The following JAK2 variants were observed in gnomAD, a reference collection of about 807,000 sequenced individuals.
JAK2 encodes the protein tyrosine-protein kinase JAK2.
JAK2 carries 86 observed loss-of-function variants against 139.3 expected under a neutral mutation model. That is an observed-to-expected ratio of 0.62 (90% CI 0.52 to 0.74). The LOEUF is 0.74. Among genes scored for constraint, JAK2 ranks in the 30% least tolerant of loss-of-function variants. The pLI is 0.00. For missense variants in JAK2, 1,421 were observed against 1,360.3 expected (o/e 1.04, Z -0.70); for synonymous variants, 490 against 437.7 (o/e 1.12, Z -1.49).
chr9:4,994,894 ATGTC>A (rs2129760433), intron 2 of JAK2, among the ~76,000 whole-genome samples: 1 of 152,250 alleles, frequency 6.6e-6, no homozygotes, highest in African/African-American at 2.4e-5. Context: ...ACACATTTAA[ATGTC>A]TTAGAATTCA....
At chr9:4,999,395 C>T (rs1053888145) in intron 2 of JAK2, among the ~76,000 whole-genome samples, 1 of 152,082 alleles carries the variant, frequency 6.6e-6, no homozygotes, top group Non-Finnish European at 1.5e-5. Context: ...AATGTCTCTT[C>T]ATATAAAAAA....
At chr9:4,993,657 G>A (rs1820391762) in intron 2 of JAK2, among the ~76,000 whole-genome samples, 1 of 152,192 alleles carries the variant, frequency 6.6e-6, no homozygotes, top group African/African-American at 2.4e-5. Context: ...CTCACTGACA[G>A]TCTCCTTGAG....
chr9:5,050,404 G>A (rs969520832), intron 5 of JAK2, among the ~76,000 whole-genome samples: 1 of 152,080 alleles, frequency 6.6e-6, no homozygotes, highest in African/African-American at 2.4e-5. Context: ...CCAAGTAGCT[G>A]GGACTGCAGG....
At chr9:5,111,013 G>T in intron 22 of JAK2, 1 of 757,278 alleles carries the variant, frequency 1.3e-6, no homozygotes, top group East Asian at 3.3e-5. Flanking sequence ...CAACGGGAAG[G>T]GCCGGCCCGC....
chr9:5,037,144 A>G lies in JAK2; in HGVS notation c.350+7238A>G, dbSNP rs145481136. 6.5e-3 allele frequency among the ~76,000 whole-genome samples: 992 copies of G among 152,350 alleles called. 7 individuals are homozygous for G. The highest frequency in any genetic ancestry group is 0.022 in the African/African-American group (912 of 41,574). On this transcript the variant is annotated intron_variant, in intron 4 of 24. Transcript: ENST00000381652. ...CTGGCCATCAGAGAAATGCAAATCAAAACCACAAAGAGATACCATCTCACA... is the reference window on the plus strand; with the variant it reads ...CTGGCCATCAGAGAAATGCAAATCAGAACCACAAAGAGATACCATCTCACA...
chr9:4,997,783 A>G (rs1416500410), intron 2 of JAK2, among the ~76,000 whole-genome samples: 5 of 152,238 alleles, frequency 3.3e-5, no homozygotes, highest in Non-Finnish European at 5.9e-5. Context: ...AAAATAGTGC[A>G]TGATAGTATA....
intron 2 of JAK2, among the ~76,000 whole-genome samples, chr9:5,002,789 T>C (rs746529554): frequency 6.6e-5 from 10 of 152,020 alleles, no homozygotes; most frequent in Non-Finnish European, 1.3e-4. Context: ...TTGGAAACTA[T>C]TATTGTGTGC....
At chr9:5,024,610 T>C (rs1381822273) in intron 3 of JAK2, among the ~76,000 whole-genome samples, 1 of 152,146 alleles carries the variant, frequency 6.6e-6, no homozygotes, top group Admixed American at 6.5e-5. Flanking sequence ...GTGCTGTCAT[T>C]TCCCAAATAA....
intron 14 of JAK2, among the ~76,000 whole-genome samples, chr9:5,074,737 C>G (rs1819198890): frequency 6.6e-6 from 1 of 152,196 alleles, no homozygotes; most frequent in Non-Finnish European, 1.5e-5. Context: ...TCACCCGTCT[C>G]TCACTTTAAA....
chr9:5,104,240 C>A (rs1047380136), intron 22 of JAK2, among the ~76,000 whole-genome samples: 2 of 152,028 alleles, frequency 1.3e-5, no homozygotes, highest in Non-Finnish European at 2.9e-5. Context: ...ATATCACCAC[C>A]GATCCCACAG....
chr9:5,007,392 C>T (rs1443281960), intron 2 of JAK2, among the ~76,000 whole-genome samples: 1 of 151,942 alleles, frequency 6.6e-6, no homozygotes, highest in Non-Finnish European at 1.5e-5. Flanking sequence ...AGTTATTTTT[C>T]TGTATATGCT....
intron 22 of JAK2, chr9:5,100,282 G>C (rs1161039823): frequency 6.6e-6 from 1 of 152,082 alleles, no homozygotes; most frequent in Non-Finnish European, 1.5e-5. Context: ...CCCAGCCCCT[G>C]ACCACTAACA....
In JAK2 at chr9:5,053,368, G is replaced by T. The variant is rs1817554746; in HGVS notation, c.615-1195G>T. 2.6e-5 allele frequency among the ~76,000 whole-genome samples: 4 copies of T among 151,838 alleles called. No homozygotes were observed. The South Asian group carries it at 8.3e-4, about 32-fold the overall frequency. ...TTTAGAAAATTCTTTTTATATTCTG[G>T]ATACAAGTCTCCACATATAATCATA... On this transcript the variant is annotated intron_variant, in intron 6 of 24. Coordinates refer to ENST00000381652, the MANE Select transcript of JAK2 (RefSeq NM_004972.4).
At chr9:5,083,501 A>G (rs745577436) in intron 19 of JAK2, among the ~76,000 whole-genome samples, 1 of 152,140 alleles carries the variant, frequency 6.6e-6, no homozygotes, top group Non-Finnish European at 1.5e-5. Flanking sequence ...CTTTTCTGGG[A>G]ACTTATAGCA....
intron 22 of JAK2, among the ~76,000 whole-genome samples, chr9:5,121,692 A>G (rs1444441413): frequency 6.6e-6 from 1 of 152,222 alleles, no homozygotes; most frequent in Non-Finnish European, 1.5e-5. Context: ...AAGACAAAGA[A>G]TTTACAAGTT....
intron 22 of JAK2, chr9:5,112,641 C>G (rs1234397517): frequency 1.0e-6 from 1 of 1,003,754 alleles, no homozygotes; most frequent in Non-Finnish European, 1.4e-6. Context: ...AGCGAGAAGC[C>G]CCAGACCAAA....
At chr9:5,041,273 G>T in intron 4 of JAK2, 1 of 1,182,558 alleles carries the variant, frequency 8.5e-7, no homozygotes, top group Non-Finnish European at 1.2e-6. Context: ...CCTCGGGCTG[G>T]CCAAGGGGTA....
chr9:5,055,056 T>G (rs1389121960), intron 7 of JAK2, among the ~76,000 whole-genome samples, 172 bp downstream of exon 7: 1 of 152,034 alleles, frequency 6.6e-6, no homozygotes, highest in Non-Finnish European at 1.5e-5. Flanking sequence ...CCTACTATTC[T>G]TAAATGGTTT....
Position 5,066,756 on chromosome 9 carries a change from C to A in JAK2, c.1293C>A (p.Asp431Glu). The A allele has an allele frequency of 1.3e-6, 2 of 1,566,006 alleles. No individual in the cohort carries two copies. Among genetic ancestry groups the A allele is most frequent in the Non-Finnish European group, 1.7e-6 (2 of 1,158,488 alleles). Residue 431 changes from aspartate to glutamate, a missense_variant, in exon 10 of 25, where the codon GAC (aspartate) becomes GAA (glutamate). Asp to Glu is a conservative substitution (Grantham distance 45). Coordinates refer to ENST00000381652, the MANE Select transcript of JAK2 (RefSeq NM_004972.4). ...GLYVLRCSPK[D>E]FNKYFLTFAV... is the part of the protein sequence containing the mutation. Reference sequence around the variant, plus strand: ...ATGTACTTCGATGCAGTCCTAAGGACTTTAATAAATATTTTTTGACTTTTG... The same window carrying A: ...ATGTACTTCGATGCAGTCCTAAGGAATTTAATAAATATTTTTTGACTTTTG...
Sources: gnomAD v4.1 joint callset for allele counts (sites outside exome capture counted in the v4.1 genomes callset) on GRCh38, gnomAD v4.1.1 for gene constraint, MANE v1.5 for transcripts, NCBI Gene and HGNC (gene_info 2026-07-23, HGNC 2026-07-21) for gene names.